EPHA4: variants seen among roughly 807,000 people sequenced by gnomAD.
EPHA4 encodes the protein ephrin type-A receptor 4.
Under a neutral mutation model 108.3 loss-of-function variants are expected in EPHA4, and 19 were observed. The observed-to-expected ratio is 0.18, with a 90% confidence interval of 0.12 to 0.26. The LOEUF (loss-of-function observed/expected upper bound fraction) is 0.26, where lower values mean the gene tolerates loss of function less well. Among genes scored for constraint, EPHA4 ranks in the 10% least tolerant of loss-of-function variants. EPHA4 has a pLI of 1.00. For synonymous variants in EPHA4, 449 were observed against 455.5 expected (o/e 0.99, Z 0.18); for missense variants, 917 against 1,254.0 (o/e 0.73, Z 4.06).
Position 221,444,175 on chromosome 2 carries a change from C to T in EPHA4, c.1775-569G>A, listed in dbSNP as rs542316690. On this transcript the variant is annotated intron_variant, in intron 9 of 17. Coordinates refer to ENST00000281821, the MANE Select transcript of EPHA4 (RefSeq NM_004438.5). ...CTCTGTAGTGGACCTCACTTCTTTT[C>T]TGGTTTGGAAAGAAGGTGTCATAAG... Among the ~76,000 whole-genome samples the T allele has an allele frequency of 5.8e-4, 89 of 152,252 alleles. 1 individual carries two copies. Among genetic ancestry groups the T allele is most frequent in the African/African-American group, 2.0e-3 (85 of 41,538 alleles).
chr2:221,432,818 A>ATTTTTTT (rs34200694), intron 14 of EPHA4, among the ~76,000 whole-genome samples: 10 of 89,088 alleles, frequency 1.1e-4, no homozygotes, highest in Admixed American at 2.8e-4. Context: ...AAATCTTTGT[A>ATTTTTTT]TTTTTTTTTT....
At chr2:221,473,569 A>AAC (rs1553575071) in intron 5 of EPHA4, among the ~76,000 whole-genome samples, 1 of 150,740 alleles carries the variant, frequency 6.6e-6, no homozygotes, top group South Asian at 2.1e-4. Context: ...AAAAAAAAAA[A>AAC]AAAAACTATT....
At chr2:221,429,635 C>T (rs1381676342) in intron 15 of EPHA4, among the ~76,000 whole-genome samples, 5 of 152,134 alleles carry the variant, frequency 3.3e-5, no homozygotes, top group African/African-American at 1.2e-4. Context: ...CTGATCTGAA[C>T]GTCTTCTAAA....
chr2:221,521,591 T>A (rs938552405), intron 3 of EPHA4, among the ~76,000 whole-genome samples: 1 of 152,194 alleles, frequency 6.6e-6, no homozygotes, highest in African/African-American at 2.4e-5. Flanking sequence ...CAGGAGTTCA[T>A]GAACTGTAGA....
At chr2:221,472,541 A>G (rs1027592821) in intron 5 of EPHA4, among the ~76,000 whole-genome samples, 3 of 152,170 alleles carry the variant, frequency 2.0e-5, no homozygotes, top group South Asian at 2.1e-4. Context: ...TTGTATGCAC[A>G]TGTCACAGAC....
Position 221,569,787 on chromosome 2 carries a change from C to A in EPHA4, c.92-1002G>T, listed in dbSNP as rs188862575. On this transcript the variant is annotated intron_variant, in intron 1 of 17. Coordinates refer to ENST00000281821, the MANE Select transcript of EPHA4 (RefSeq NM_004438.5). ...TGGGAAGCCGCCATCCGTGCTCATG[C>A]GCACCCCAACACTCAAGCTTACCCC... Among the ~76,000 whole-genome samples, 451 of 152,254 alleles carry A rather than the reference C, an allele frequency of 3.0e-3. 1 individual carries two copies. The highest frequency in any genetic ancestry group is 0.017 in the Middle Eastern group (5 of 294).
chr2:221,504,415 C>T (rs1392390560), intron 3 of EPHA4, among the ~76,000 whole-genome samples: 2 of 152,068 alleles, frequency 1.3e-5, no homozygotes, highest in Non-Finnish European at 2.9e-5. Context: ...ACTACCATAA[C>T]AAAGTCGAAT....
At chr2:221,558,121 G>A (rs921101555) in intron 3 of EPHA4, among the ~76,000 whole-genome samples, 1 of 152,116 alleles carries the variant, frequency 6.6e-6, no homozygotes, top group Non-Finnish European at 1.5e-5. Flanking sequence ...AATATACAGC[G>A]ATATCTATGA....
At chr2:221,518,625 C>T (rs1309215869) in intron 3 of EPHA4, among the ~76,000 whole-genome samples, 1 of 152,220 alleles carries the variant, frequency 6.6e-6, no homozygotes, top group Admixed American at 6.5e-5. Context: ...CAGACCACTC[C>T]TTGCTGTGAA....
At chr2:221,515,895 A>T in intron 3 of EPHA4, among the ~76,000 whole-genome samples, 1 of 152,116 alleles carries the variant, frequency 6.6e-6, no homozygotes, top group East Asian at 1.9e-4. Context: ...TTTATTTTTT[A>T]AAATAGGATT....
intron 1 of EPHA4, 112 bp downstream of exon 1, chr2:221,572,046 C>T: frequency 1.1e-6 from 1 of 874,618 alleles, no homozygotes; most frequent in Non-Finnish European, 1.9e-6. Context: ...AATCGGGACG[C>T]ACCATTCACA....
intron 13 of EPHA4, among the ~76,000 whole-genome samples, chr2:221,435,344 T>C (rs567482332): frequency 6.6e-6 from 1 of 152,218 alleles, no homozygotes; most frequent in South Asian, 2.1e-4. Flanking sequence ...CTCCAACTAC[T>C]GGGAAAAAAT....
chr2:221,518,850 G>A (rs1265043964), intron 3 of EPHA4, among the ~76,000 whole-genome samples: 1 of 152,196 alleles, frequency 6.6e-6, no homozygotes, highest in African/African-American at 2.4e-5. Context: ...GGAGGAGCAG[G>A]GGAGGCAGAA....
chr2:221,475,599 T>C (rs1315281524), intron 5 of EPHA4, among the ~76,000 whole-genome samples: 1 of 152,220 alleles, frequency 6.6e-6, no homozygotes, highest in Admixed American at 6.5e-5. Context: ...ATAGTGCCCA[T>C]GTTCGCTTTG....
At chr2:221,452,530 T>G (rs1003231822) in intron 8 of EPHA4, among the ~76,000 whole-genome samples, 1 of 152,214 alleles carries the variant, frequency 6.6e-6, no homozygotes, top group African/African-American at 2.4e-5. Flanking sequence ...ATTGGCTGAG[T>G]GTGCATGAGC....
Position 221,468,713 on chromosome 2 carries a change from C to T in EPHA4, c.1319-10723G>A, listed in dbSNP as rs560034396. 2.0e-5 allele frequency among the ~76,000 whole-genome samples: 3 copies of T among 152,318 alleles called. No individual in the cohort carries two copies. In the East Asian group the frequency reaches 5.8e-4, roughly 29 times the overall value. ...ATTTCTACATTTACAGGCAGAAATA[C>T]TTAAAAGCCTGCTCCAGAAACTTGA... On this transcript the variant is annotated intron_variant, in intron 5 of 17. Coordinates refer to ENST00000281821, the MANE Select transcript of EPHA4 (RefSeq NM_004438.5).
chr2:221,423,160 A>G (rs773528780), intron 17 of EPHA4, among the ~76,000 whole-genome samples: 1 of 152,252 alleles, frequency 6.6e-6, no homozygotes, highest in Non-Finnish European at 1.5e-5. Flanking sequence ...GTTTTACTTA[A>G]GAATATTTCA....
chr2:221,507,746 A>G (rs1322687696), intron 3 of EPHA4, among the ~76,000 whole-genome samples: 2 of 152,206 alleles, frequency 1.3e-5, no homozygotes, highest in Non-Finnish European at 2.9e-5. Context: ...GCTTTGAAAG[A>G]TGTAACAGGT....
chr2:221,531,103 A>C (rs1218504127), intron 3 of EPHA4, among the ~76,000 whole-genome samples: 1 of 150,978 alleles, frequency 6.6e-6, no homozygotes, highest in Non-Finnish European at 1.5e-5. Flanking sequence ...CTCTAAGACT[A>C]CTCAAGAAAG....
Sources: gnomAD v4.1 joint callset for allele counts (sites outside exome capture counted in the v4.1 genomes callset) on GRCh38, gnomAD v4.1.1 for gene constraint, MANE v1.5 for transcripts, NCBI Gene and HGNC (gene_info 2026-07-23, HGNC 2026-07-21) for gene names.